Variants in ANKRD45 observed in about 807,000 individuals in gnomAD.
The protein encoded by ANKRD45 is ankyrin repeat domain 45.
A neutral mutation model predicts 28.1 loss-of-function variants in ANKRD45; 21 were observed. That is an observed-to-expected ratio of 0.75 (90% CI 0.53 to 1.08). The LOEUF (loss-of-function observed/expected upper bound fraction) is 1.08. Among genes scored for constraint, ANKRD45 ranks in the 50% least tolerant of loss-of-function variants. The pLI is 0.00. For missense variants in ANKRD45, 261 were observed against 308.7 expected (o/e 0.85, Z 1.16); for synonymous variants, 86 against 103.9 (o/e 0.83, Z 1.05).
upstream of ANKRD45, among the ~76,000 whole-genome samples, chr1:173,672,688 C>T (rs61826768): frequency 0.16 from 24,879 of 152,120 alleles, 2,269 homozygotes; most frequent in Middle Eastern, 0.32. Context: ...GAAACAGCTG[C>T]GTGATGCACC....
the ANKRD45 span, among the ~76,000 whole-genome samples, chr1:173,700,356 ATTGC>A: frequency 6.6e-6 from 1 of 152,222 alleles, no homozygotes; most frequent in African/African-American, 2.4e-5. Flanking sequence ...AAGAGCTTGC[ATTGC>A]CAAGACAGTC....
At chr1:173,670,242 G>C (rs1022666651), upstream of ANKRD45, among the ~76,000 whole-genome samples, 1 of 152,224 alleles carries the variant, frequency 6.6e-6, no homozygotes, top group South Asian at 2.1e-4. Flanking sequence ...TGTTTCAGGC[G>C]ACCTCACAAG....
chr1:173,701,299 C>A, the ANKRD45 span, among the ~76,000 whole-genome samples: 1 of 152,180 alleles, frequency 6.6e-6, no homozygotes, highest in Non-Finnish European at 1.5e-5. Context: ...TACCATTTGA[C>A]CCAGGGATCC....
chr1:173,684,032 G>A, the ANKRD45 span, among the ~76,000 whole-genome samples: 1 of 152,158 alleles, frequency 6.6e-6, no homozygotes, highest in Non-Finnish European at 1.5e-5. Flanking sequence ...TAAAGAGAAT[G>A]ATGGGGTGAG....
intron 1 of ANKRD45, among the ~76,000 whole-genome samples, chr1:173,662,609 T>A (rs535991565): frequency 1.3e-5 from 2 of 152,314 alleles, no homozygotes; most frequent in South Asian, 4.1e-4. Context: ...TCACAACTCT[T>A]GCCTCATGTT....
chr1:173,667,154 A>T (rs939459732), intron 1 of ANKRD45, among the ~76,000 whole-genome samples: 1 of 152,226 alleles, frequency 6.6e-6, no homozygotes, highest in Non-Finnish European at 1.5e-5. Context: ...GCTTTTAAAA[A>T]TATTACAGCA....
chr1:173,702,344 A>T, the ANKRD45 span, among the ~76,000 whole-genome samples: 2 of 152,210 alleles, frequency 1.3e-5, no homozygotes, highest in South Asian at 4.1e-4. Flanking sequence ...TTTGAATTCA[A>T]AGTTCAGCAG....
Position 173,660,053 on chromosome 1 carries a change from A to T in ANKRD45, c.-15-620T>A, listed in dbSNP as rs1043804032. Among the ~76,000 whole-genome samples the T allele has an allele frequency of 2.0e-5, 3 of 152,332 alleles. No homozygotes were observed. The East Asian group carries it at 5.8e-4, about 29-fold the overall frequency. On this transcript the variant is annotated intron_variant, in intron 1 of 5. Transcript: ENST00000333279. ...GCTATGGGAGTTTAGAAGCAATAAGATTAATTCCAGATAAAATTATTCAAG... is the reference window on the plus strand; with the variant it reads ...GCTATGGGAGTTTAGAAGCAATAAGTTTAATTCCAGATAAAATTATTCAAG...
chr1:173,649,140 A>G (rs1023264106), intron 2 of ANKRD45, among the ~76,000 whole-genome samples: 1 of 152,142 alleles, frequency 6.6e-6, no homozygotes, highest in African/African-American at 2.4e-5. Flanking sequence ...TCTATTGTTT[A>G]TTTCCAATGA....
chr1:173,709,236 A>T, the ANKRD45 span, among the ~76,000 whole-genome samples: 1 of 152,142 alleles, frequency 6.6e-6, no homozygotes, highest in African/African-American at 2.4e-5. Flanking sequence ...AAGCTCACTC[A>T]TGTTGCTAAT....
chr1:173,615,066 G>A (rs58045923), intron 5 of ANKRD45, among the ~76,000 whole-genome samples: 25,810 of 151,906 alleles, frequency 0.17, 7,310 homozygotes, highest in African/African-American at 0.59. Flanking sequence ...TAATCCACCC[G>A]CCTCAGCCTC....
At position 173,608,373 on chromosome 1, in the gene ANKRD45, A is replaced by C. The variant is rs899572123; in HGVS notation, c.*1772T>G. 2.0e-5 allele frequency among the ~76,000 whole-genome samples: 3 copies of C among 152,120 alleles called. No homozygotes were observed. Among genetic ancestry groups the C allele is most frequent in the African/African-American group, 7.2e-5 (3 of 41,420 alleles). On this transcript the variant is annotated 3_prime_UTR_variant, in exon 6 of 6. Transcript: ENST00000333279. ...CACTCTGTCACCCAGGCTGGAATGC[A>C]GTGGTGCGATCTCGGCTCACTGCAA...
At chr1:173,622,834 G>A (rs1476481213) in intron 5 of ANKRD45, among the ~76,000 whole-genome samples, 2 of 152,282 alleles carry the variant, frequency 1.3e-5, no homozygotes, top group African/African-American at 4.8e-5. Flanking sequence ...AAGAGCTTCT[G>A]CACAGCAAAA....
the ANKRD45 span, chr1:173,714,943 G>C: frequency 6.6e-6 from 1 of 152,422 alleles, no homozygotes; most frequent in Non-Finnish European, 1.5e-5. Flanking sequence ...TTCTGGATAT[G>C]GGCCGGTGAA....
At chr1:173,657,648 C>A (rs73033123) in intron 2 of ANKRD45, 20,861 of 35,580 alleles carry the variant, frequency 0.59, 6,277 homozygotes, top group African/African-American at 0.72. Flanking sequence ...TTTTTTTCAG[C>A]AACAGGGTCT....
intron 3 of ANKRD45, among the ~76,000 whole-genome samples, chr1:173,633,586 T>C (rs187616681): frequency 9.2e-5 from 14 of 152,154 alleles, no homozygotes; most frequent in Non-Finnish European, 1.9e-4. Context: ...TCACATTACT[T>C]GACTTCAAAT....
At chr1:173,669,398 CA>C (rs58611776) in intron 1 of ANKRD45, 101,112 of 349,204 alleles carry the variant, frequency 0.29, 6,635 homozygotes, top group African/African-American at 0.58. Context: ...TTTTTTTCTT[CA>C]AAAAAAAAAA....
At chr1:173,688,355 TCTCTCTCTCTCTGCCTCTTC>T in the ANKRD45 span, among the ~76,000 whole-genome samples, 48 of 143,806 alleles carry the variant, frequency 3.3e-4, no homozygotes, top group South Asian at 1.9e-3. Flanking sequence ...TCTGACTCCC[TCTCTCTCTCTCTGCCTCTTC>T]CTCTCTCTCT....
At chr1:173,613,398 C>T (rs1667280882) in intron 5 of ANKRD45, among the ~76,000 whole-genome samples, 1 of 152,038 alleles carries the variant, frequency 6.6e-6, no homozygotes, top group Non-Finnish European at 1.5e-5. Context: ...CGCCTGGCAG[C>T]TGCCCCGTCT....
Sources: allele counts gnomAD v4.1 joint callset (sites outside exome capture counted in the v4.1 genomes callset), GRCh38; gene constraint gnomAD v4.1.1; transcripts MANE v1.5; gene names NCBI Gene and HGNC (gene_info 2026-07-23, HGNC 2026-07-21).